Variants in FURIN observed in about 807,000 individuals in gnomAD.
FURIN encodes the protein furin, paired basic amino acid cleaving enzyme.
A neutral mutation model predicts 89.2 loss-of-function variants in FURIN; 18 were observed. The observed-to-expected ratio is 0.20, with a 90% CI of 0.14 to 0.30. The LOEUF (loss-of-function observed/expected upper bound fraction) is 0.30, where lower values mean the gene tolerates loss of function less well. Ranked by LOEUF, FURIN falls within the 10% of genes least tolerant of loss-of-function variation. The probability of loss-of-function intolerance (pLI) is 1.00; values close to 1 mark genes in which losing one functional copy is unlikely to be tolerated. For synonymous variants in FURIN, 508 were observed against 466.4 expected, an observed-to-expected ratio of 1.09 and a Z score of -1.15; for missense variants, 879 against 1,100.5, an observed-to-expected ratio of 0.80 and a Z score of 2.85.
At position 90,876,955 on chromosome 15, in the gene FURIN, G is replaced by A. The variant is rs1368995202; in HGVS notation, c.432G>A (p.Gly144=). The part of the protein sequence containing the change: ...VKAAWAQGYT[G]HGIVVSILDD... ...CGGCCTGGGCGCAGGGCTACACAGG[G>A]CACGGCATTGTGGTCTCCATTCTGG... The change falls in exon 5 of 16, where the codon GGG becomes GGA. Residue 144 remains glycine (G), a synonymous_variant. Transcript: ENST00000268171. The surrounding 1 kb of genome is among the most constrained non-coding windows in gnomAD (Gnocchi z 5.0). 5 of 1,614,016 alleles carry A rather than the reference G, an allele frequency of 3.1e-6. No individual in the cohort carries two copies. In the African/African-American group the frequency reaches 6.7e-5, roughly 22 times the overall value.
At position 90,879,943 on chromosome 15, in the gene FURIN, C is replaced by A. The variant is rs747872475; in HGVS notation, c.1335C>A (p.Ala445=). 3 of 1,613,114 alleles carry A rather than the reference C, an allele frequency of 1.9e-6. No individual in the cohort carries two copies. Among genetic ancestry groups the A allele is most frequent in the Non-Finnish European group, 2.5e-6 (3 of 1,179,980 alleles). ...VALAQNWTTV[A]PQRKCIIDIL... ...TGGCCCAGAATTGGACCACAGTGGC[C>A]CCCCAGCGGAAGTGCATCATCGACA... The change falls in exon 12 of 16, where the codon GCC becomes GCA. Residue 445 remains alanine (A), a synonymous_variant. Transcript: ENST00000268171.
At chr15:90,871,499 CTGGGAACGCGGG>C (rs2151218367) in intron 1 of FURIN, 5 of 1,666 alleles carry the variant, frequency 3.0e-3, no homozygotes, top group East Asian at 0.016. Context: ...GCCCACGGCG[CTGGGAACGCGGG>C]CCCGCAGTCG....
chr15:90,876,180 T>C lies in FURIN; in HGVS notation c.178-75T>C. 1.5e-5 allele frequency: 16 copies of C among 1,037,630 alleles called. 1 individual carries two copies. The South Asian group carries it at 2.1e-4, about 13-fold the overall frequency. The allele number at this position is 1,037,630 out of a possible 1,614,324, so 64.3% of individuals were successfully genotyped here. A position where few individuals can be genotyped will look rare whatever the true frequency, so the allele number is the denominator to read the frequency against. The stretch of plus-strand genomic sequence containing the variant: ...CCGTGGCGAGCCTCCCATGAAGCCG[T>C]TGTCCACCCCCGTCCCCCGCCTCCC... On this transcript the variant is annotated intron_variant, in intron 2 of 15. Transcript: ENST00000268171. This position sits in a 1 kb window ranked among gnomAD's most constrained non-coding sequence, Gnocchi z 5.0.
In FURIN at chr15:90,877,562, TG is replaced by T; in HGVS notation, c.616del (p.Ala206ProfsTer8). ...GTRCAGEVAA[V>X]ANNGVCGVGV... ...CGGTGTGCGGGGGAAGTGGCTGCGGTGGCCAACAACGGTGTCTGTGGTGTAG... is the reference window on the plus strand; with the variant it reads ...CGGTGTGCGGGGGAAGTGGCTGCGGTGCCAACAACGGTGTCTGTGGTGTAG... On this transcript the variant is annotated frameshift_variant, in exon 7 of 16. Transcript: ENST00000268171. LOFTEE classifies it high-confidence loss of function. 1 of 1,579,226 alleles carries T rather than the reference TG, an allele frequency of 6.3e-7. No individual in the cohort carries two copies. The highest frequency in any genetic ancestry group is 1.2e-5 in the South Asian group (1 of 86,102).
Position 90,881,453 on chromosome 15 carries a change from C to T in FURIN, c.1960C>T (p.Pro654Ser), listed in dbSNP as rs1036400315. 1 of 1,612,320 alleles carries T rather than the reference C, an allele frequency of 6.2e-7. No individual in the cohort carries two copies. Residue 654 changes from proline to serine, a missense_variant, in exon 16 of 16, where the codon CCG (proline) becomes TCG (serine). Pro to Ser is a moderately conservative substitution (Grantham distance 74). Around this residue, in one of 5 missense-constraint regions of FURIN, gnomAD observed 457 missense variants for 490.7 expected, o/e 0.93. Coordinates refer to ENST00000268171, the MANE Select transcript of FURIN (RefSeq NM_002569.4). This position sits in a 1 kb window ranked among gnomAD's most constrained non-coding sequence, Gnocchi z 4.3. Reference sequence around the variant, plus strand: ...CGCCTCATGTGCCACATGCCAGGGGCCGGCCCTGACAGACTGCCTCAGCTG... The same window carrying T: ...CGCCTCATGTGCCACATGCCAGGGGTCGGCCCTGACAGACTGCCTCAGCTG... The part of the protein sequence containing the change: ...CHASCATCQG[P>S]ALTDCLSCPS...
intron 1 of FURIN, among the ~76,000 whole-genome samples, chr15:90,873,443 C>T (rs1354903120): frequency 6.6e-6 from 1 of 152,138 alleles, no homozygotes; most frequent in African/African-American, 2.4e-5. Flanking sequence ...TGAACCCAGC[C>T]TCGATTTGGG....
chr15:90,880,144 G>A lies in FURIN; in HGVS notation c.1427G>A (p.Gly476Asp), dbSNP rs1189202990. ...EVRKTVTACL[G>D]EPNHITRLEH... ...CGGAAGACCGTGACCGCGTGCCTGG[G>A]CGAGCCCAACCACATCACTCGGCTG... The change falls in exon 13 of 16, where the codon GGC (glycine) becomes GAC (aspartate). Residue 476 changes from glycine to aspartate, a missense_variant. Physicochemically the swap from Gly to Asp is moderately conservative, Grantham distance 94 (BLOSUM62 -1). Around this residue, in one of 5 missense-constraint regions of FURIN, gnomAD observed 457 missense variants for 490.7 expected, o/e 0.93. Coordinates refer to ENST00000268171, the MANE Select transcript of FURIN (RefSeq NM_002569.4). The A allele has an allele frequency of 4.3e-6, 7 of 1,611,644 alleles. No homozygotes were observed. The highest frequency in any genetic ancestry group is 5.9e-6 in the Non-Finnish European group (7 of 1,178,930).
intron 8 of FURIN, 28 bp downstream of exon 8, chr15:90,878,332 C>A: frequency 6.5e-7 from 1 of 1,536,960 alleles, no homozygotes; most frequent in Non-Finnish European, 8.8e-7. Flanking sequence ...CCAGCCCCTG[C>A]GGGCAGGTTG....
In FURIN at chr15:90,883,255, A is replaced by G. The variant is rs2032127332; in HGVS notation, c.*1377A>G. ...TCTACCCTAGCCATTCCTGGTACCC[A>G]GCCATCTGCCCAGGGGTGCCCCCTC... is the stretch of plus-strand genomic sequence containing the variant. On this transcript the variant is annotated 3_prime_UTR_variant, in exon 16 of 16. Transcript: ENST00000268171. The G allele has an allele frequency of 6.5e-6, 1 of 152,948 alleles. No individual in the cohort carries two copies. 9.5% of individuals were successfully genotyped at this position (152,948 alleles called of 1,614,324 possible).
In FURIN at chr15:90,881,052, G is replaced by A. The variant is rs1280597057; in HGVS notation, c.1792+12G>A. On this transcript the variant is annotated intron_variant, in intron 15 of 15. Coordinates refer to ENST00000268171, the MANE Select transcript of FURIN (RefSeq NM_002569.4). The surrounding 1 kb of genome is among the most constrained non-coding windows in gnomAD (Gnocchi z 4.3). ...TCAGGCCTGTGTGGGTCAGTAGTGG[G>A]TGCTGTTGGGCTTTGGGGGCCTGAG... 16 of 1,582,934 alleles carry A rather than the reference G, an allele frequency of 1.0e-5. No homozygotes were observed. Among genetic ancestry groups the A allele is most frequent in the Non-Finnish European group, 1.3e-5 (15 of 1,151,578 alleles).
Position 90,878,784 on chromosome 15 carries a change from C to T in FURIN, c.861C>T (p.Ser287=), listed in dbSNP as rs139430285. The change falls in exon 9 of 16, where the codon TCC becomes TCT. Residue 287 remains serine (S), a synonymous_variant. Coordinates refer to ENST00000268171, the MANE Select transcript of FURIN (RefSeq NM_002569.4). ...GVSQGRGGLG[S]IFVWASGNGG... ...CACAGGGCCGAGGGGGGCTGGGCTC[C>T]ATCTTTGTCTGGGCCTCGGGGAACG... 1 of 1,608,616 alleles carries T rather than the reference C, an allele frequency of 6.2e-7. No homozygotes were observed. Among genetic ancestry groups the T allele is most frequent in the Non-Finnish European group, 8.5e-7 (1 of 1,175,878 alleles).
chr15:90,873,695 A>T (rs2031449615), intron 1 of FURIN, among the ~76,000 whole-genome samples: 1 of 152,054 alleles, frequency 6.6e-6, no homozygotes, highest in South Asian at 2.1e-4. Flanking sequence ...GCCATTGATC[A>T]GGCCAGCTTT....
rs754552954 is a variant in FURIN at position 90,878,841 on chromosome 15, C to T, written c.918C>T (p.Asp306=). The change falls in exon 9 of 16, where the codon GAC becomes GAT. Residue 306 remains aspartate, a synonymous_variant. Transcript: ENST00000268171. The part of the protein sequence containing the change: ...GGREHDSCNC[D]GYTNSIYTLS... ...GGGAACATGACAGCTGCAACTGCGACGGCTACACCAACAGTATCTACACGC... is the reference window on the plus strand; with the variant it reads ...GGGAACATGACAGCTGCAACTGCGATGGCTACACCAACAGTATCTACACGC... 6.8e-5 allele frequency: 110 copies of T among 1,611,352 alleles called. No individual in the cohort carries two copies. The highest frequency in any genetic ancestry group is 1.4e-4 in the South Asian group (13 of 90,990).
chr15:90,877,730 C>T (rs1313114038), intron 7 of FURIN, 115 bp downstream of exon 7: 9 of 743,698 alleles, frequency 1.2e-5, no homozygotes, highest in South Asian at 1.8e-5. Context: ...CCTTTGATCA[C>T]GTGGCTGTTC....
At chr15:90,873,752 T>A (rs1379735550) in intron 1 of FURIN, among the ~76,000 whole-genome samples, 1 of 152,180 alleles carries the variant, frequency 6.6e-6, no homozygotes, top group African/African-American at 2.4e-5. Flanking sequence ...TTCCGAGGCC[T>A]GCCCTGGAAG....
intron 9 of FURIN, 115 bp downstream of exon 9, chr15:90,879,091 T>G (rs1057062879): frequency 2.9e-6 from 2 of 680,210 alleles, no homozygotes; most frequent in Admixed American, 4.9e-5. Context: ...TGATAGTGGC[T>G]CAGGCATCAT....
intron 1 of FURIN, among the ~76,000 whole-genome samples, chr15:90,873,406 T>C (rs1186612833): frequency 6.6e-6 from 1 of 152,190 alleles, no homozygotes; most frequent in African/African-American, 2.4e-5. Flanking sequence ...CCATCTACAG[T>C]GTGCTGGAAT....
chr15:90,871,496 G>C, intron 1 of FURIN: 2 of 148,966 alleles, frequency 1.3e-5, no homozygotes, highest in Admixed American at 1.3e-4. Context: ...GGGGCCCACG[G>C]CGCTGGGAAC....
chr15:90,882,214 C>G lies in FURIN; in HGVS notation c.*336C>G, dbSNP rs748232584. On this transcript the variant is annotated 3_prime_UTR_variant, in exon 16 of 16. Coordinates refer to ENST00000268171, the MANE Select transcript of FURIN (RefSeq NM_002569.4). ...GCTTGTTGGGATTCCTGACCCAGGC[C>G]GCAGCTCTTGCCCTTCCCTGTCCCT... is the stretch of plus-strand genomic sequence containing the variant. 1 of 319,282 alleles carries G rather than the reference C, an allele frequency of 3.1e-6. No individual in the cohort carries two copies. Among genetic ancestry groups the G allele is most frequent in the Non-Finnish European group, 5.9e-6 (1 of 170,668 alleles). The allele number at this position is 319,282 out of a possible 1,614,324, so 19.8% of individuals were successfully genotyped here.
Sources: gnomAD v4.1 joint callset for allele counts (sites outside exome capture counted in the v4.1 genomes callset) on GRCh38, gnomAD v4.1.1 for gene constraint, gnomAD v4.1.1 regional missense constraint, Gnocchi (gnomAD v3.1) non-coding constraint, MANE v1.5 for transcripts, NCBI Gene and HGNC (gene_info 2026-07-23, HGNC 2026-07-21) for gene names.